Variants in GJC3 observed in about 807,000 individuals in gnomAD.
GJC3 encodes gap junction gamma-3 protein.
Under a neutral mutation model 19.8 loss-of-function variants are expected in GJC3, and 17 were observed. The observed-to-expected ratio is 0.86, with a 90% confidence interval of 0.59 to 1.29. The LOEUF (loss-of-function observed/expected upper bound fraction) is 1.29. Ranked by LOEUF, GJC3 falls within the 50% of genes most tolerant of loss-of-function variation. GJC3 has a pLI of 0.00. For synonymous variants in GJC3, 140 were observed against 136.5 expected (o/e 1.03, Z -0.18); for missense variants, 317 against 332.5 (o/e 0.95, Z 0.36).
In GJC3 at chr7:99,928,831, C is replaced by T; in HGVS notation, c.781+9G>A. On this transcript the variant is annotated intron_variant, in intron 1 of 1. Transcript: ENST00000312891. The stretch of plus-strand genomic sequence containing the variant: ...CATCAGTGACAGGAAGAGAGCGTGT[C>T]CTTCTCACCTGCTTCTTGAAATTGC... The T allele has an allele frequency of 6.2e-7, 1 of 1,613,050 alleles. No homozygotes were observed.
chr7:99,927,592 G>T (rs1439119473), intron 1 of GJC3, among the ~76,000 whole-genome samples: 1 of 151,258 alleles, frequency 6.6e-6, no homozygotes, highest in Non-Finnish European at 1.5e-5. Flanking sequence ...CCTTTGTTGA[G>T]AATTTCAGGG....
rs1819859542 is a variant in GJC3, at chr7:99,929,309, T to G, written c.312A>C (p.Glu104Asp). The change falls in exon 1 of 2, where the codon GAA becomes GAC. Residue 104 changes from glutamate to aspartate, a missense_variant. Transcript: ENST00000312891. ...FTLYHVIWHW[E>D]LSGKGKEEET... ...CCTCCTCCTTCCCCTTTCCTGATAA[T>G]TCCCAGTGCCAGATCACGTGATACA... 2 of 1,614,010 alleles carry G rather than the reference T, an allele frequency of 1.2e-6. No homozygotes were observed. The highest frequency in any genetic ancestry group is 1.3e-5 in the African/African-American group (1 of 74,892).
chr7:99,924,507 G>A (rs778466091), intron 1 of GJC3, among the ~76,000 whole-genome samples: 2 of 152,200 alleles, frequency 1.3e-5, no homozygotes, highest in Non-Finnish European at 2.9e-5. Context: ...AGAACTGCTT[G>A]AACCTGGGAG....
chr7:99,929,390 C>T lies in GJC3; in HGVS notation c.231G>A (p.Trp77Ter). Residue 77 changes from tryptophan to a stop codon, truncating the protein, a stop_gained, in exon 1 of 2, where the codon TGG becomes TGA. Transcript: ENST00000312891. LOFTEE classifies it high-confidence loss of function. ...CAGCCACCAAGATGACCTGGAAGAC[C>T]CAGAAACGCAGCGGGGAGAGGGGGT... ...AFHPLSPLRF[W>*]VFQVILVAVP... The T allele has an allele frequency of 6.2e-7, 1 of 1,614,100 alleles. No homozygotes were observed.
At position 99,929,410 on chromosome 7, in the gene GJC3, G is replaced by T. The variant is rs144639545; in HGVS notation, c.211C>A (p.Leu71Ile). ...AAGACCCAGAAACGCAGCGGGGAGAGGGGGTGGAAGGCATCGAAGCAGGCA... is the reference window on the plus strand; with the variant it reads ...AAGACCCAGAAACGCAGCGGGGAGATGGGGTGGAAGGCATCGAAGCAGGCA... ...KAACFDAFHP[L>I]SPLRFWVFQV... The change falls in exon 1 of 2, where the codon CTC becomes ATC. Residue 71 changes from leucine (L) to isoleucine (I), a missense_variant. Transcript: ENST00000312891. 32 of 1,614,004 alleles carry T rather than the reference G, an allele frequency of 2.0e-5. No individual in the cohort carries two copies. The highest frequency in any genetic ancestry group is 2.7e-5 in the Non-Finnish European group (32 of 1,179,956).
upstream of GJC3, chr7:99,929,816 A>G: frequency 4.8e-6 from 3 of 625,392 alleles, no homozygotes; most frequent in East Asian, 5.5e-5. Flanking sequence ...ATGTAAAATA[A>G]TAACAGTGAG....
Position 99,923,602 on chromosome 7 carries a change from A to G in GJC3, c.783T>C (p.Val261=). Residue 261 remains valine (V), a splice_region_variant and synonymous_variant, in exon 2 of 2, where the codon GTT becomes GTC. Coordinates refer to ENST00000312891, the MANE Select transcript of GJC3 (RefSeq NM_181538.3). ...TTTCCTGGGCTAAGCTTCTTCCTGG[A>G]ACTTTTTAAAACAAAAATTCAAGAT... ...VETKEQFQEA[V]PGRSLAQEKQ... The G allele has an allele frequency of 1.3e-6, 1 of 781,044 alleles. No individual in the cohort carries two copies. The allele number at this position is 781,044 out of a possible 1,614,324, so 48.4% of individuals were successfully genotyped here.
chr7:99,930,364 C>G (rs1819879143), upstream of GJC3, among the ~76,000 whole-genome samples: 1 of 152,164 alleles, frequency 6.6e-6, no homozygotes, highest in South Asian at 2.1e-4. Context: ...GGATTTGGGG[C>G]CAGAGCCAGA....
At chr7:99,926,879 A>G (rs1168938327) in intron 1 of GJC3, among the ~76,000 whole-genome samples, 2 of 152,222 alleles carry the variant, frequency 1.3e-5, no homozygotes, top group African/African-American at 4.8e-5. Context: ...CTAGCAAAGC[A>G]AAGAAAGGAT....
upstream of GJC3, chr7:99,929,649 A>G (rs1584284645): frequency 1.9e-6 from 3 of 1,577,738 alleles, no homozygotes; most frequent in East Asian, 2.3e-5. Flanking sequence ...ACAAGAGATC[A>G]GTGTTGTTCA....
chr7:99,928,006 T>C (rs1255593117), intron 1 of GJC3, among the ~76,000 whole-genome samples: 5 of 152,206 alleles, frequency 3.3e-5, no homozygotes, highest in Non-Finnish European at 4.4e-5. Flanking sequence ...TATGGCCGGG[T>C]ATTTGGATAA....
In GJC3 at chr7:99,928,870, C is replaced by G; in HGVS notation, c.751G>C (p.Val251Leu). The change falls in exon 1 of 2, where the codon GTG becomes CTG. Residue 251 changes from valine (V) to leucine (L), a missense_variant. Physicochemically the swap from Val to Leu is conservative, Grantham distance 32. Coordinates refer to ENST00000312891, the MANE Select transcript of GJC3 (RefSeq NM_181538.3). ...TCTTGAAATTGCTCTTTGGTTTCCA[C>G]CACTGGGAGGCTATCGGTTGCTTTC... The part of the protein sequence containing the change: ...HKKATDSLPV[V>L]ETKEQFQEAV... The G allele has an allele frequency of 6.2e-7, 1 of 1,614,160 alleles. No homozygotes were observed. The highest frequency in any genetic ancestry group is 8.5e-7 in the Non-Finnish European group (1 of 1,180,034).
chr7:99,924,530 G>A (rs1819753059), intron 1 of GJC3, among the ~76,000 whole-genome samples: 1 of 152,198 alleles, frequency 6.6e-6, no homozygotes, highest in Non-Finnish European at 1.5e-5. Context: ...AGAGATTGCA[G>A]TGATCCTGCC....
intron 1 of GJC3, among the ~76,000 whole-genome samples, chr7:99,924,939 C>G (rs1352379462): frequency 1.3e-5 from 2 of 152,150 alleles, no homozygotes; most frequent in East Asian, 3.9e-4. Flanking sequence ...TCTCATTTCT[C>G]TAATGATAAA....
intron 1 of GJC3, among the ~76,000 whole-genome samples, chr7:99,924,529 A>G (rs114119358): frequency 0.064 from 9,820 of 152,298 alleles, 343 homozygotes; most frequent in Middle Eastern, 0.071. Flanking sequence ...CAGAGATTGC[A>G]GTGATCCTGC....
intron 1 of GJC3, among the ~76,000 whole-genome samples, chr7:99,926,414 T>C (rs956841048): frequency 5.3e-5 from 8 of 151,550 alleles, no homozygotes; most frequent in Admixed American, 2.6e-4. Flanking sequence ...AACCCAAATG[T>C]CCTGAAACTG....
chr7:99,928,874 T>G lies in GJC3; in HGVS notation c.747A>C (p.Pro249=), dbSNP rs139051155. ...RRHKKATDSL[P]VVETKEQFQE... ...GAAATTGCTCTTTGGTTTCCACCAC[T>G]GGGAGGCTATCGGTTGCTTTCTTGT... is the stretch of plus-strand genomic sequence containing the variant. Residue 249 remains proline (P), a synonymous_variant, in exon 1 of 2, where the codon CCA becomes CCC. Transcript: ENST00000312891. 5.0e-5 allele frequency: 81 copies of G among 1,614,082 alleles called. No homozygotes were observed. The highest frequency in any genetic ancestry group is 6.5e-5 in the Non-Finnish European group (77 of 1,180,030).
chr7:99,929,246 G>A lies in GJC3; in HGVS notation c.375C>T (p.Val125=), dbSNP rs147472050. The change falls in exon 1 of 2, where the codon GTC becomes GTT. Residue 125 remains valine, a synonymous_variant. Coordinates refer to ENST00000312891, the MANE Select transcript of GJC3 (RefSeq NM_181538.3). ...LIQGREGNTD[V]PGAGSLRLLW... is the part of the protein sequence containing the mutation. ...GCAGCCTGAGGCTTCCAGCCCCTGG[G>A]ACATCTGTGTTGCCCTCCCGTCCCT... 41 of 1,614,040 alleles carry A rather than the reference G, an allele frequency of 2.5e-5. No individual in the cohort carries two copies. The highest frequency in any genetic ancestry group is 3.4e-5 in the Non-Finnish European group (40 of 1,180,026).
Sources: gnomAD v4.1 joint callset for allele counts (sites outside exome capture counted in the v4.1 genomes callset) on GRCh38, gnomAD v4.1.1 for gene constraint, MANE v1.5 for transcripts, NCBI Gene and HGNC (gene_info 2026-07-23, HGNC 2026-07-21) for gene names.